Variants in GLRB observed in about 807,000 individuals in gnomAD.
GLRB encodes the protein glycine receptor beta, also known as glycine receptor subunit beta.
In GLRB, 33 loss-of-function variants were observed where a neutral mutation model predicts 54.2. That is an observed-to-expected ratio of 0.61 (90% CI 0.46 to 0.81). The LOEUF (loss-of-function observed/expected upper bound fraction) is 0.81. Among genes scored for constraint, GLRB ranks in the 40% least tolerant of loss-of-function variants. The pLI is 0.00. For synonymous variants in GLRB, 209 were observed against 208.2 expected, an observed-to-expected ratio of 1.00 and a Z score of -0.03; for missense variants, 572 against 584.6, an observed-to-expected ratio of 0.98 and a Z score of 0.22.
chr4:157,159,597 G>T (rs543376328), intron 9 of GLRB, among the ~76,000 whole-genome samples: 13 of 152,230 alleles, frequency 8.5e-5, no homozygotes, highest in Non-Finnish European at 1.6e-4. Flanking sequence ...TAATCATCTG[G>T]TTTTTGTCTT....
chr4:157,135,691 C>T (rs1447082601), intron 4 of GLRB, among the ~76,000 whole-genome samples: 7 of 151,916 alleles, frequency 4.6e-5, no homozygotes, highest in Admixed American at 2.6e-4. Context: ...TTATTGGCAG[C>T]GTGAGAACAG....
intron 2 of GLRB, among the ~76,000 whole-genome samples, chr4:157,103,121 G>T (rs1272579479): frequency 6.7e-6 from 1 of 149,432 alleles, no homozygotes; most frequent in Non-Finnish European, 1.5e-5. Context: ...CTGCACTCCA[G>T]TCTGGGCAAA....
intron 9 of GLRB, among the ~76,000 whole-genome samples, chr4:157,161,074 T>C (rs1201353742): frequency 6.6e-6 from 1 of 152,220 alleles, no homozygotes; most frequent in East Asian, 1.9e-4. Flanking sequence ...TTGATCCCTT[T>C]ACCATTATGT....
At chr4:157,135,925 A>G (rs1736381503) in intron 4 of GLRB, among the ~76,000 whole-genome samples, 1 of 152,156 alleles carries the variant, frequency 6.6e-6, no homozygotes, top group African/African-American at 2.4e-5. Context: ...CCTGCAATGG[A>G]TAAAAACGTT....
intron 2 of GLRB, among the ~76,000 whole-genome samples, chr4:157,097,172 A>G (rs998127738): frequency 1.3e-5 from 2 of 152,208 alleles, no homozygotes; most frequent in Non-Finnish European, 1.5e-5. Context: ...GCTTAGCCAA[A>G]TCATATATTG....
chr4:157,162,359 C>G (rs1035111404), intron 9 of GLRB, among the ~76,000 whole-genome samples: 1 of 152,208 alleles, frequency 6.6e-6, no homozygotes, highest in Non-Finnish European at 1.5e-5. Flanking sequence ...CATTCTCCAT[C>G]CAGCTTTGTT....
rs975141553 is a variant in GLRB, at chr4:157,132,026, A to G, written c.298-4443A>G. Among the ~76,000 whole-genome samples the G allele has an allele frequency of 4.6e-5, 7 of 151,808 alleles. No homozygotes were observed. In the East Asian group the frequency reaches 5.8e-4, roughly 13 times the overall value. On this transcript the variant is annotated intron_variant, in intron 4 of 9. Transcript: ENST00000264428. ...GAACAGTTTTTGATTTTTATCAACAATGAATGAGTTTTTTCCACTTTTTCC... is the reference window on the plus strand; with the variant it reads ...GAACAGTTTTTGATTTTTATCAACAGTGAATGAGTTTTTTCCACTTTTTCC...
At chr4:157,161,431 G>T (rs1397122127) in intron 9 of GLRB, among the ~76,000 whole-genome samples, 1 of 152,172 alleles carries the variant, frequency 6.6e-6, no homozygotes, top group East Asian at 1.9e-4. Context: ...GGCATTGATG[G>T]TCTTTACAAT....
Position 157,103,613 on chromosome 4 carries a change from T to C in GLRB, c.123-16943T>C, listed in dbSNP as rs530557441. ...CAATGGGATTTTGATAGAGATTGAA[T>C]TGATCTGCTGATCCTTTTGGGTAGT... On this transcript the variant is annotated intron_variant, in intron 2 of 9. Coordinates refer to ENST00000264428, the MANE Select transcript of GLRB (RefSeq NM_000824.5). Among the ~76,000 whole-genome samples the C allele has an allele frequency of 1.1e-3, 172 of 152,314 alleles. 1 individual carries two copies. Among genetic ancestry groups the C allele is most frequent in the African/African-American group, 3.9e-3 (162 of 41,582 alleles).
intron 8 of GLRB, among the ~76,000 whole-genome samples, chr4:157,146,694 C>T (rs900935013): frequency 6.6e-6 from 1 of 151,942 alleles, no homozygotes; most frequent in Non-Finnish European, 1.5e-5. Flanking sequence ...GTGGTGGACA[C>T]CTGTAACCCC....
intron 4 of GLRB, among the ~76,000 whole-genome samples, chr4:157,127,796 C>T (rs1442438717): frequency 2.6e-5 from 4 of 151,846 alleles, no homozygotes; most frequent in South Asian, 2.1e-4. Flanking sequence ...GTTCATTCCT[C>T]AGAGGCTTCA....
intron 3 of GLRB, among the ~76,000 whole-genome samples, chr4:157,121,435 A>G (rs970369257): frequency 1.3e-5 from 2 of 150,834 alleles, no homozygotes; most frequent in African/African-American, 4.9e-5. Context: ...AATGTAGATC[A>G]GATTAACATT....
chr4:157,157,370 T>C (rs1737273181), intron 9 of GLRB, among the ~76,000 whole-genome samples: 1 of 152,200 alleles, frequency 6.6e-6, no homozygotes. Flanking sequence ...CTTTAAATTC[T>C]AGGGTACATG....
intron 2 of GLRB, among the ~76,000 whole-genome samples, chr4:157,116,047 T>A (rs1488010447): frequency 6.6e-6 from 1 of 151,766 alleles, no homozygotes; most frequent in Non-Finnish European, 1.5e-5. Flanking sequence ...CACTGAAGGG[T>A]CATGTAAAAA....
At chr4:157,080,405 G>T (rs1218814493) in intron 2 of GLRB, among the ~76,000 whole-genome samples, 1 of 152,122 alleles carries the variant, frequency 6.6e-6, no homozygotes, top group African/African-American at 2.4e-5. Flanking sequence ...TGGAAGTCTG[G>T]CTTGTTAAAA....
At chr4:157,111,356 G>A (rs1380718611) in intron 2 of GLRB, among the ~76,000 whole-genome samples, 1 of 151,966 alleles carries the variant, frequency 6.6e-6, no homozygotes, top group Non-Finnish European at 1.5e-5. Flanking sequence ...AGTGTATGAT[G>A]TGCTTTATCA....
intron 7 of GLRB, among the ~76,000 whole-genome samples, chr4:157,141,534 G>A (rs1200523506): frequency 6.6e-6 from 1 of 151,824 alleles, no homozygotes; most frequent in African/African-American, 2.4e-5. Flanking sequence ...TAACAAAAGT[G>A]GAGAAATATG....
chr4:157,098,982 G>T (rs1734917939), intron 2 of GLRB, among the ~76,000 whole-genome samples: 1 of 152,106 alleles, frequency 6.6e-6, no homozygotes, highest in Non-Finnish European at 1.5e-5. Context: ...AAAATTGAGG[G>T]ACATGTAGGG....
intron 2 of GLRB, among the ~76,000 whole-genome samples, chr4:157,105,267 A>T (rs1326246047): frequency 6.6e-6 from 1 of 151,850 alleles, no homozygotes; most frequent in East Asian, 1.9e-4. Context: ...TTCTAATTTT[A>T]ATATTTTTCA....
Sources: gnomAD v4.1 joint callset for allele counts (sites outside exome capture counted in the v4.1 genomes callset) on GRCh38, gnomAD v4.1.1 for gene constraint, MANE v1.5 for transcripts, NCBI Gene and HGNC (gene_info 2026-07-23, HGNC 2026-07-21) for gene names.